ZNF385C: variants seen among roughly 807,000 people sequenced by gnomAD.
ZNF385C encodes the protein CTD-2132N18.2.
In ZNF385C, 28 loss-of-function variants were observed where a neutral mutation model predicts 35.4. The ratio of observed to expected loss-of-function variants is 0.79; its 90% CI spans 0.59 to 1.08. The LOEUF (loss-of-function observed/expected upper bound fraction) is 1.08, where lower values mean the gene tolerates loss of function less well. ZNF385C is among the 50% of genes least tolerant of loss of function. The pLI is 0.00. For synonymous variants in ZNF385C, 248 were observed against 248.2 expected, an observed-to-expected ratio of 1.00 and a Z score of 0.01; for missense variants, 605 against 595.6, an observed-to-expected ratio of 1.02 and a Z score of -0.16.
At chr17:42,078,174 A>C (rs1467258076) in intron 1 of ZNF385C, among the ~76,000 whole-genome samples, 1 of 152,172 alleles carries the variant, frequency 6.6e-6, no homozygotes, top group Non-Finnish European at 1.5e-5. Flanking sequence ...CAACAGTAAC[A>C]GGCCTCAGTT....
chr17:42,028,341 A>G, intron 6 of ZNF385C, 95 bp from the exon 7 acceptor site: 1 of 1,284,410 alleles, frequency 7.8e-7, no homozygotes, highest in Non-Finnish European at 1.1e-6. Flanking sequence ...CTCTCCCTGT[A>G]AGCCTCACGG....
Position 42,097,116 on chromosome 17 carries a change from G to A in ZNF385C, c.-3+1294C>T, listed in dbSNP as rs566634532. ...CCAGGCTCCAGGCACTGTGCTAAGC[G>A]CTCTACATGTGTACCCTCATTTAAC... On this transcript the variant is annotated intron_variant, in intron 1 of 8. Coordinates refer to ENST00000692273, the MANE Select transcript of ZNF385C (RefSeq NM_001392013.1). Among the ~76,000 whole-genome samples the A allele has an allele frequency of 1.1e-3, 170 of 152,082 alleles. 1 individual carries two copies. The highest frequency in any genetic ancestry group is 3.4e-3 in the African/African-American group (142 of 41,484).
Position 42,034,236 on chromosome 17 carries a change from A to G in ZNF385C, c.499T>C (p.Phe167Leu). 1 of 1,550,406 alleles carries G rather than the reference A, an allele frequency of 6.4e-7. No individual in the cohort carries two copies. The highest frequency in any genetic ancestry group is 1.2e-5 in the South Asian group (1 of 84,052). Reference sequence around the variant, plus strand: ...CTACTTTGTCTCACCGCTGAGTTGAACCTCAGGTGACAGATGTTACAGGAA... The same window carrying G: ...CTACTTTGTCTCACCGCTGAGTTGAGCCTCAGGTGACAGATGTTACAGGAA... ...FISCNICHLR[F>L]NSANQAEAHY... The change falls in exon 4 of 9, where the codon TTC (phenylalanine) becomes CTC (leucine). Residue 167 changes from phenylalanine to leucine, a missense_variant. Coordinates refer to ENST00000692273, the MANE Select transcript of ZNF385C (RefSeq NM_001392013.1).
chr17:42,079,433 A>G (rs2053724339), intron 1 of ZNF385C, among the ~76,000 whole-genome samples: 1 of 149,930 alleles, frequency 6.7e-6, no homozygotes, highest in Admixed American at 6.7e-5. Flanking sequence ...TCACGCCTGT[A>G]ATCCCAGCAC....
chr17:42,065,665 T>A (rs782755989), intron 1 of ZNF385C, among the ~76,000 whole-genome samples: 10 of 152,254 alleles, frequency 6.6e-5, no homozygotes, highest in Non-Finnish European at 8.8e-5. Context: ...AGCACAGCGA[T>A]AAGGGCAGGA....
intron 1 of ZNF385C, among the ~76,000 whole-genome samples, chr17:42,094,703 T>A (rs1334568625): frequency 1.3e-5 from 2 of 152,072 alleles, no homozygotes; most frequent in African/African-American, 4.8e-5. Context: ...ACAGACAGCC[T>A]CAGGACCCAG....
At chr17:42,038,073 G>C (rs1555655674) in intron 2 of ZNF385C, 188 bp from the exon 3 acceptor site, 1 of 1,535,338 alleles carries the variant, frequency 6.5e-7, no homozygotes. Flanking sequence ...CACAGCTGGG[G>C]AAGCAGAGGC....
At chr17:42,045,320 G>A (rs938707158) in intron 2 of ZNF385C, among the ~76,000 whole-genome samples, 7 of 152,354 alleles carry the variant, frequency 4.6e-5, no homozygotes, top group Non-Finnish European at 8.8e-5. Context: ...CAAAGTGCTG[G>A]GATTACAGGC....
intron 1 of ZNF385C, among the ~76,000 whole-genome samples, chr17:42,091,429 G>A (rs2053862704): frequency 6.6e-6 from 1 of 152,198 alleles, no homozygotes; most frequent in South Asian, 2.1e-4. Context: ...CTGGGTGGCA[G>A]AGCGAGACTT....
intron 2 of ZNF385C, among the ~76,000 whole-genome samples, chr17:42,045,274 A>G (rs1163931241): frequency 1.3e-5 from 2 of 151,776 alleles, no homozygotes; most frequent in African/African-American, 4.8e-5. Context: ...GATGGTCTCG[A>G]TCTCCTGACC....
At chr17:42,093,664 T>C (rs1412330660) in intron 1 of ZNF385C, among the ~76,000 whole-genome samples, 1 of 151,738 alleles carries the variant, frequency 6.6e-6, no homozygotes, top group Non-Finnish European at 1.5e-5. Flanking sequence ...CACTGCAACC[T>C]GTACCTCCCA....
chr17:42,032,221 C>G (rs1203866669), intron 4 of ZNF385C, among the ~76,000 whole-genome samples: 1 of 152,034 alleles, frequency 6.6e-6, no homozygotes, highest in Non-Finnish European at 1.5e-5. Flanking sequence ...CCACCACACC[C>G]GGCTAATTTT....
Position 42,026,238 on chromosome 17 carries a change from A to C in ZNF385C, c.*659T>G, listed in dbSNP as rs1420995771. On this transcript the variant is annotated 3_prime_UTR_variant, in exon 9 of 9. Transcript: ENST00000692273. ...GGGCCCATGAATGCCCAGAAGACTT[A>C]AGATTAAAACAAAACCCTGGGCCCA... 9.4e-6 allele frequency: 1 copy of C among 106,826 alleles called. No individual in the cohort carries two copies. The highest frequency in any genetic ancestry group is 1.3e-4 in the Admixed American group (1 of 7,972). 6.6% of individuals were successfully genotyped at this position (106,826 alleles called of 1,614,324 possible). A position where few individuals can be genotyped will look rare whatever the true frequency, so the allele number is the denominator to read the frequency against.
chr17:42,085,448 T>TC (rs2053796051), intron 1 of ZNF385C, among the ~76,000 whole-genome samples: 1 of 151,478 alleles, frequency 6.6e-6, no homozygotes, highest in Non-Finnish European at 1.5e-5. Context: ...TTTTTCTTTT[T>TC]TTTTTTTTTG....
chr17:42,091,638 C>A (rs931907786), intron 1 of ZNF385C, among the ~76,000 whole-genome samples: 1 of 152,166 alleles, frequency 6.6e-6, no homozygotes, highest in Non-Finnish European at 1.5e-5. Flanking sequence ...CCTGATCCCC[C>A]CTCTGGCCTC....
At chr17:42,048,636 CA>C (rs1349693852) in intron 2 of ZNF385C, among the ~76,000 whole-genome samples, 1 of 152,170 alleles carries the variant, frequency 6.6e-6, no homozygotes, top group Non-Finnish European at 1.5e-5. Context: ...GTGCCCTGTC[CA>C]GAAACCTGCC....
At chr17:42,040,392 C>T in intron 2 of ZNF385C, 2 of 1,231,834 alleles carry the variant, frequency 1.6e-6, no homozygotes, top group South Asian at 4.1e-5. Context: ...GGAGGCGGGC[C>T]CCACCTGAGC....
At chr17:42,040,256 A>C (rs2052983234) in intron 2 of ZNF385C, 1 of 1,231,582 alleles carries the variant, frequency 8.1e-7, no homozygotes, top group Non-Finnish European at 1.0e-6. Context: ...TCCAGGAAGG[A>C]TCCCCGGAGC....
intron 1 of ZNF385C, among the ~76,000 whole-genome samples, chr17:42,070,746 T>G (rs944158548): frequency 9.9e-5 from 15 of 152,162 alleles, no homozygotes; most frequent in Admixed American, 6.6e-5. Flanking sequence ...TGTGGGATCC[T>G]GGCCCTCCCT....
Sources: allele counts gnomAD v4.1 joint callset (sites outside exome capture counted in the v4.1 genomes callset), GRCh38; gene constraint gnomAD v4.1.1; transcripts MANE v1.5; gene names NCBI Gene and HGNC (gene_info 2026-07-23, HGNC 2026-07-21).